The following MAN2A1 variants were observed in gnomAD, a reference collection of about 807,000 sequenced individuals.
The protein encoded by MAN2A1 is mannosidase alpha class 2A member 1, also known as alpha-mannosidase 2.
MAN2A1 carries 76 observed loss-of-function variants against 142.6 expected under a neutral mutation model. That is an observed-to-expected ratio of 0.53 (90% CI 0.44 to 0.65). The LOEUF (loss-of-function observed/expected upper bound fraction) is 0.65, where lower values mean the gene tolerates loss of function less well. Among genes scored for constraint, MAN2A1 ranks in the 30% least tolerant of loss-of-function variants. The pLI is 0.00. For missense variants in MAN2A1, 1,311 were observed against 1,365.1 expected (o/e 0.96, Z 0.62); for synonymous variants, 559 against 473.2 (o/e 1.18, Z -2.35).
In MAN2A1 at chr5:109,774,836, T is replaced by A. The variant is rs6894260; in HGVS notation, c.1245T>A (p.Arg415=). The A allele has an allele frequency of 0.33, 526,084 of 1,611,530 alleles. 90,451 individuals are homozygous for A. Among genetic ancestry groups the A allele is most frequent in the African/African-American group, 0.55 (41,121 of 74,394 alleles). ...DQYRKKSKLF[R]TKVLLAPLGD... is the part of the protein sequence containing the mutation. Reference sequence around the variant, plus strand: ...ACCGAAAGAAGTCAAAGCTTTTTCGTACCAAAGTTCTCCTGGCTCCACTAG... The same window carrying A: ...ACCGAAAGAAGTCAAAGCTTTTTCGAACCAAAGTTCTCCTGGCTCCACTAG... Residue 415 remains arginine, a synonymous_variant, in exon 8 of 22, where the codon CGT becomes CGA. Transcript: ENST00000261483.
At position 109,690,359 on chromosome 5, in the gene MAN2A1, A is replaced by G. The variant is rs888612204; in HGVS notation, c.-59A>G. On this transcript the variant is annotated 5_prime_UTR_variant, in exon 1 of 22. Transcript: ENST00000261483. ...CTCCGGCGGCTGCTTCCTAGAGTCC[A>G]CAGTGCGCTGTCTCCTTTGGCTGAG... is the stretch of plus-strand genomic sequence containing the variant. The G allele has an allele frequency of 2.5e-6, 4 of 1,599,552 alleles. No homozygotes were observed. The highest frequency in any genetic ancestry group is 3.4e-6 in the Non-Finnish European group (4 of 1,167,092).
intron 16 of MAN2A1, among the ~76,000 whole-genome samples, chr5:109,826,437 TC>T (rs1754762820): frequency 6.6e-6 from 1 of 152,170 alleles, no homozygotes; most frequent in Non-Finnish European, 1.5e-5. Flanking sequence ...ATTTTTTTTT[TC>T]AACATGAAAG....
chr5:109,769,835 G>T (rs186073136), intron 6 of MAN2A1, among the ~76,000 whole-genome samples: 2 of 152,254 alleles, frequency 1.3e-5, no homozygotes, highest in East Asian at 3.9e-4. Context: ...CTCACCATAA[G>T]AGGAAATTTT....
intron 16 of MAN2A1, among the ~76,000 whole-genome samples, chr5:109,840,845 GGGTGCCAGC>G (rs1350428653): frequency 6.6e-6 from 1 of 151,654 alleles, no homozygotes; most frequent in African/African-American, 2.4e-5. Context: ...GTAGGATCAC[GGGTGCCAGC>G]CCCGACAATC....
At chr5:109,817,977 T>A (rs972439336) in intron 13 of MAN2A1, among the ~76,000 whole-genome samples, 1 of 152,114 alleles carries the variant, frequency 6.6e-6, no homozygotes, top group African/African-American at 2.4e-5. Context: ...GTGCCAAAGT[T>A]TCTTAAAATA....
At chr5:109,738,692 C>T (rs993613603) in intron 4 of MAN2A1, among the ~76,000 whole-genome samples, 1 of 152,130 alleles carries the variant, frequency 6.6e-6, no homozygotes, top group East Asian at 1.9e-4. Flanking sequence ...TGAATTAATT[C>T]AGACAACATG....
rs77422307 is a variant in MAN2A1, at chr5:109,728,653, C to T, written c.536-689C>T. Among the ~76,000 whole-genome samples, 1,403 of 152,300 alleles carry T rather than the reference C, an allele frequency of 9.2e-3. 23 individuals are homozygous for T. Among genetic ancestry groups the T allele is most frequent in the African/African-American group, 0.031 (1,288 of 41,560 alleles). ...TAGAGGAAAAAACAGGAGAAGCAAA[C>T]TGTCAACATCTACAGTTCTCTTTTT... On this transcript the variant is annotated intron_variant, in intron 3 of 21. Transcript: ENST00000261483.
intron 16 of MAN2A1, among the ~76,000 whole-genome samples, chr5:109,826,054 C>T (rs112167304): frequency 0.084 from 12,743 of 151,630 alleles, 631 homozygotes; most frequent in African/African-American, 0.15. Flanking sequence ...TACAGGTGTA[C>T]ACCACCACGC....
intron 12 of MAN2A1, among the ~76,000 whole-genome samples, chr5:109,805,128 G>A (rs1213937152): frequency 6.6e-6 from 1 of 152,176 alleles, no homozygotes; most frequent in African/African-American, 2.4e-5. Flanking sequence ...AGGTAAAACA[G>A]ATGGTATTTT....
intron 4 of MAN2A1, among the ~76,000 whole-genome samples, chr5:109,740,191 C>T (rs1316242110): frequency 6.6e-6 from 1 of 152,182 alleles, no homozygotes; most frequent in Non-Finnish European, 1.5e-5. Flanking sequence ...CTTAGTTCCT[C>T]TGTTGGAGAA....
chr5:109,851,124 G>A (rs940763993), intron 19 of MAN2A1, among the ~76,000 whole-genome samples: 11 of 152,172 alleles, frequency 7.2e-5, no homozygotes, highest in East Asian at 3.9e-4. Context: ...AAATAATCCC[G>A]AGCTGACTAA....
chr5:109,792,012 A>AT (rs1330216386), intron 12 of MAN2A1, among the ~76,000 whole-genome samples: 1 of 152,112 alleles, frequency 6.6e-6, no homozygotes, highest in African/African-American at 2.4e-5. Flanking sequence ...TATGTGAGCT[A>AT]TATCATGTGT....
At chr5:109,774,998 A>G in intron 8 of MAN2A1, 33 bp downstream of exon 8, 1 of 1,429,170 alleles carries the variant, frequency 7.0e-7, no homozygotes, top group Non-Finnish European at 9.7e-7. Context: ...TCCGTATTTG[A>G]AATTGAACCT....
At position 109,781,387 on chromosome 5, in the gene MAN2A1, T is replaced by A. The variant is rs201716513; in HGVS notation, c.1375-9T>A. The A allele has an allele frequency of 1.3e-3, 2,067 of 1,560,442 alleles. 1 individual carries two copies. Among genetic ancestry groups the A allele is most frequent in the Non-Finnish European group, 1.7e-3 (1,900 of 1,149,924 alleles). On this transcript the variant is annotated splice_polypyrimidine_tract_variant and intron_variant, in intron 8 of 21. Coordinates refer to ENST00000261483, the MANE Select transcript of MAN2A1 (RefSeq NM_002372.4). ...AATGAATAATTGAAGTGCATTTTTT[T>A]AAAACTAGATACAGTTTGGAACTTT...
intron 4 of MAN2A1, among the ~76,000 whole-genome samples, chr5:109,743,663 A>G (rs932239470): frequency 1.3e-5 from 2 of 151,586 alleles, no homozygotes; most frequent in African/African-American, 2.4e-5. Flanking sequence ...CCAGACTCTG[A>G]CCCCTGCTTT....
chr5:109,805,329 A>G (rs1037277497), intron 12 of MAN2A1, among the ~76,000 whole-genome samples: 6 of 152,184 alleles, frequency 3.9e-5, no homozygotes, highest in African/African-American at 9.6e-5. Flanking sequence ...AAATTTTTCA[A>G]TCTTTTCTTT....
intron 12 of MAN2A1, among the ~76,000 whole-genome samples, chr5:109,801,175 T>A (rs1754020947): frequency 6.6e-6 from 1 of 152,198 alleles, no homozygotes; most frequent in South Asian, 2.1e-4. Flanking sequence ...CATGATGGGT[T>A]CCATGGTGCC....
chr5:109,834,075 G>T (rs1303757090), intron 16 of MAN2A1, among the ~76,000 whole-genome samples: 1 of 152,122 alleles, frequency 6.6e-6, no homozygotes, highest in African/African-American at 2.4e-5. Flanking sequence ...ATCTGTCATG[G>T]AGGCAGGTCA....
intron 19 of MAN2A1, 73 bp from the exon 20 acceptor site, chr5:109,855,067 C>A (rs1046122110): frequency 1.4e-6 from 1 of 709,632 alleles, no homozygotes; most frequent in Admixed American, 3.4e-5. Context: ...ATTAAACCCT[C>A]TCAGATAATT....
Sources: gnomAD v4.1 joint callset for allele counts (sites outside exome capture counted in the v4.1 genomes callset) on GRCh38, gnomAD v4.1.1 for gene constraint, MANE v1.5 for transcripts, NCBI Gene and HGNC (gene_info 2026-07-23, HGNC 2026-07-21) for gene names.